Variants in ZNF536 observed in about 807,000 individuals in gnomAD.
ZNF536 encodes the protein zinc finger protein 536.
Under a neutral mutation model 84.5 loss-of-function variants are expected in ZNF536, and 13 were observed. The ratio of observed to expected loss-of-function variants is 0.15; its 90% CI spans 0.10 to 0.24. The LOEUF (loss-of-function observed/expected upper bound fraction) is 0.24, where lower values mean the gene tolerates loss of function less well. Ranked by LOEUF, ZNF536 falls within the 10% of genes least tolerant of loss-of-function variation. The pLI, the probability that ZNF536 is intolerant of heterozygous loss-of-function variation, is 1.00. For synonymous variants in ZNF536, 811 were observed against 742.5 expected, an observed-to-expected ratio of 1.09 and a Z score of -1.50; for missense variants, 1,536 against 1,747.5, an observed-to-expected ratio of 0.88 and a Z score of 2.16.
chr19:30,701,114 G>T (rs1476506628), intron 1 of ZNF536, among the ~76,000 whole-genome samples: 2 of 152,232 alleles, frequency 1.3e-5, no homozygotes, highest in East Asian at 3.9e-4. Context: ...GATGTTCCTC[G>T]TGCTCAATGC....
chr19:30,592,170 C>G (rs1192612598), intron 1 of ZNF536, among the ~76,000 whole-genome samples: 1 of 152,160 alleles, frequency 6.6e-6, no homozygotes, highest in East Asian at 1.9e-4. Context: ...GCACAAGTCA[C>G]TATGCATCAA....
intron 1 of ZNF536, among the ~76,000 whole-genome samples, chr19:30,586,240 C>T (rs190916870): frequency 1.3e-5 from 2 of 152,224 alleles, no homozygotes; most frequent in African/African-American, 4.8e-5. Flanking sequence ...GGTTCCGTCG[C>T]TGGATGGAAG....
At chr19:30,472,334 C>T (rs1201444571) in intron 2 of ZNF536, among the ~76,000 whole-genome samples, 2 of 152,120 alleles carry the variant, frequency 1.3e-5, no homozygotes, top group Non-Finnish European at 2.9e-5. Flanking sequence ...GGCGGCAGGT[C>T]GGATCTGTGT....
chr19:30,551,738 GT>G (rs1253338791), intron 4 of ZNF536, among the ~76,000 whole-genome samples: 13 of 152,160 alleles, frequency 8.5e-5, no homozygotes, highest in Admixed American at 8.5e-4. Flanking sequence ...GAGAGTGTGA[GT>G]TCTGCATTCC....
chr19:30,688,906 G>T (rs1281862920), intron 1 of ZNF536, among the ~76,000 whole-genome samples: 1 of 152,228 alleles, frequency 6.6e-6, no homozygotes, highest in African/African-American at 2.4e-5. Flanking sequence ...ACCTCCTGGG[G>T]ACTGGCTGCA....
chr19:30,593,135 C>T (rs2047331358), intron 1 of ZNF536, among the ~76,000 whole-genome samples: 1 of 152,162 alleles, frequency 6.6e-6, no homozygotes, highest in African/African-American at 2.4e-5. Flanking sequence ...GTCAGAAATA[C>T]CCACAACTGG....
At chr19:30,559,414 A>G (rs922735743), downstream of ZNF536, among the ~76,000 whole-genome samples, 4 of 152,226 alleles carry the variant, frequency 2.6e-5, no homozygotes, top group Non-Finnish European at 5.9e-5. Context: ...GTAGGGCCCC[A>G]GGAGAGGTTT....
At chr19:30,596,494 C>T (rs868724674) in intron 1 of ZNF536, among the ~76,000 whole-genome samples, 11 of 152,154 alleles carry the variant, frequency 7.2e-5, no homozygotes, top group African/African-American at 1.9e-4. Flanking sequence ...ACGCCAGCAG[C>T]GGAGTCAGCC....
intron 2 of ZNF536, among the ~76,000 whole-genome samples, chr19:30,464,385 A>C (rs1303164907): frequency 6.6e-6 from 1 of 152,176 alleles, no homozygotes; most frequent in East Asian, 1.9e-4. Context: ...GTAAAGGTCA[A>C]TCAGCTTTTC....
chr19:30,556,167 C>T (rs2045957932), intron 4 of ZNF536: 1 of 152,274 alleles, frequency 6.6e-6, no homozygotes, highest in Admixed American at 6.5e-5. Flanking sequence ...GGCCTGCTCT[C>T]ATTTGTACTG....
downstream of ZNF536, among the ~76,000 whole-genome samples, chr19:30,560,022 G>A (rs550812233): frequency 2.0e-5 from 3 of 152,040 alleles, no homozygotes; most frequent in South Asian, 4.2e-4. Flanking sequence ...CACTCACGCC[G>A]TACACTCCCC....
At chr19:30,712,485 A>C (rs1344063067) in exon 2 of ZNF536, 1 of 152,066 alleles carries the variant, frequency 6.6e-6, no homozygotes, top group African/African-American at 2.4e-5. Flanking sequence ...ATTAAACCCC[A>C]GGGCCTTAAA....
intron 2 of ZNF536, among the ~76,000 whole-genome samples, chr19:30,483,808 GA>G (rs1288139318): frequency 1.3e-5 from 2 of 152,058 alleles, no homozygotes; most frequent in Non-Finnish European, 2.9e-5. Context: ...ACAGTCTCAT[GA>G]GAACCTTCAG....
intron 2 of ZNF536, among the ~76,000 whole-genome samples, chr19:30,302,178 T>A (rs542248288): frequency 3.5e-4 from 54 of 152,292 alleles, no homozygotes; most frequent in Non-Finnish European, 6.5e-4. Context: ...GGTGCAATGA[T>A]GTGGAAAAGG....
intron 3 of ZNF536, among the ~76,000 whole-genome samples, chr19:30,538,935 C>G (rs1347561470): frequency 2.0e-5 from 3 of 152,056 alleles, no homozygotes; most frequent in African/African-American, 7.2e-5. Context: ...TGGCCAGGCA[C>G]AGTGGCTCAT....
intron 2 of ZNF536, among the ~76,000 whole-genome samples, chr19:30,510,554 G>A (rs1406173259): frequency 6.6e-6 from 1 of 152,222 alleles, no homozygotes; most frequent in African/African-American, 2.4e-5. Context: ...GTGGCAATGA[G>A]TTGCCCGCAG....
chr19:30,328,927 C>G (rs1439534308), intron 2 of ZNF536, among the ~76,000 whole-genome samples: 2 of 152,238 alleles, frequency 1.3e-5, no homozygotes, highest in Non-Finnish European at 2.9e-5. Context: ...CTACTCCTCC[C>G]TTTCCCCCTG....
At chr19:30,708,842 T>C (rs2052350760) in intron 1 of ZNF536, among the ~76,000 whole-genome samples, 1 of 152,224 alleles carries the variant, frequency 6.6e-6, no homozygotes, top group Admixed American at 6.5e-5. Context: ...TTTTGCTAAA[T>C]AGACGCAGGA....
At chr19:30,580,645 C>T (rs1488570278) in intron 1 of ZNF536, among the ~76,000 whole-genome samples, 1 of 152,200 alleles carries the variant, frequency 6.6e-6, no homozygotes, top group Non-Finnish European at 1.5e-5. Context: ...GATGCTCTGG[C>T]CCAGACGTCA....
Sources: gnomAD v4.1 joint callset for allele counts (sites outside exome capture counted in the v4.1 genomes callset) on GRCh38, gnomAD v4.1.1 for gene constraint, MANE v1.5 for transcripts, NCBI Gene and HGNC (gene_info 2026-07-23, HGNC 2026-07-21) for gene names.